TSPAN12: variants seen among roughly 807,000 people sequenced by gnomAD.
TSPAN12 encodes tetraspanin-12.
TSPAN12 carries 19 observed loss-of-function variants against 39.2 expected under a neutral mutation model. That is an observed-to-expected ratio of 0.49 (90% CI 0.34 to 0.71). The LOEUF is 0.71. TSPAN12 is among the 30% of genes least tolerant of loss of function. The pLI, the probability that TSPAN12 is intolerant of heterozygous loss-of-function variation, is 0.01. For missense variants in TSPAN12, 314 were observed against 359.9 expected (o/e 0.87, Z 1.03); for synonymous variants, 119 against 124.8 (o/e 0.95, Z 0.31).
chr7:120,796,219 C>T (rs1779410907), intron 7 of TSPAN12, among the ~76,000 whole-genome samples: 1 of 152,074 alleles, frequency 6.6e-6, no homozygotes, highest in Admixed American at 6.5e-5. Context: ...CATTTGGGCA[C>T]CTTAAATTTG....
intron 5 of TSPAN12, chr7:120,814,203 A>G (rs1407072448): frequency 4.4e-6 from 2 of 456,580 alleles, no homozygotes; most frequent in Non-Finnish European, 8.8e-6. Context: ...AGCACCAGAA[A>G]TGACTTCTAT....
At chr7:120,811,009 G>T (rs1043901424) in intron 5 of TSPAN12, among the ~76,000 whole-genome samples, 1 of 152,166 alleles carries the variant, frequency 6.6e-6, no homozygotes, top group African/African-American at 2.4e-5. Context: ...AAAGAGGAAA[G>T]AATTAAGAAG....
intron 7 of TSPAN12, among the ~76,000 whole-genome samples, chr7:120,803,138 G>A (rs144452001): frequency 2.9e-4 from 44 of 152,242 alleles, no homozygotes; most frequent in African/African-American, 1.1e-3. Context: ...TTAGTGATGA[G>A]ACACTCATTA....
At chr7:120,842,454 A>C (rs1794596452) in intron 2 of TSPAN12, among the ~76,000 whole-genome samples, 1 of 151,850 alleles carries the variant, frequency 6.6e-6, no homozygotes, top group Admixed American at 6.6e-5. Context: ...CTGTTAAAAA[A>C]AAAAAAAAAA....
At chr7:120,856,302 A>G (rs1420507996) in intron 2 of TSPAN12, among the ~76,000 whole-genome samples, 2 of 152,156 alleles carry the variant, frequency 1.3e-5, no homozygotes, top group East Asian at 1.9e-4. Flanking sequence ...ACTTGGCCCA[A>G]CTAGATTTTA....
intron 3 of TSPAN12, 64 bp from the exon 4 acceptor site, chr7:120,838,976 G>A: frequency 5.2e-6 from 8 of 1,523,810 alleles, no homozygotes; most frequent in South Asian, 2.3e-5. Context: ...AGACATAGCA[G>A]AAGACACAAC....
intron 4 of TSPAN12, among the ~76,000 whole-genome samples, chr7:120,826,342 T>C (rs1162233627): frequency 6.6e-6 from 1 of 152,120 alleles, no homozygotes; most frequent in Non-Finnish European, 1.5e-5. Context: ...GCATTAAGGG[T>C]CAGTCAATAA....
intron 7 of TSPAN12, among the ~76,000 whole-genome samples, chr7:120,804,704 C>T (rs1322123179): frequency 6.6e-6 from 1 of 152,062 alleles, no homozygotes; most frequent in Admixed American, 6.6e-5. Flanking sequence ...GAGCTTAGTA[C>T]CTCAGAATGT....
chr7:120,836,349 C>A (rs1440510973), intron 4 of TSPAN12, among the ~76,000 whole-genome samples: 1 of 152,014 alleles, frequency 6.6e-6, no homozygotes, highest in Non-Finnish European at 1.5e-5. Flanking sequence ...AGAGGCACCC[C>A]AAAGGGAATG....
At chr7:120,796,179 C>G (rs1015441234) in intron 7 of TSPAN12, among the ~76,000 whole-genome samples, 1 of 152,168 alleles carries the variant, frequency 6.6e-6, no homozygotes, top group Non-Finnish European at 1.5e-5. Context: ...TCACAAACCC[C>G]TCCTGCAAAT....
At chr7:120,844,865 G>A (rs1006643786) in intron 2 of TSPAN12, among the ~76,000 whole-genome samples, 1 of 152,184 alleles carries the variant, frequency 6.6e-6, no homozygotes, top group Non-Finnish European at 1.5e-5. Flanking sequence ...TGCCTTAGTG[G>A]GGACTCTTTG....
At chr7:120,854,983 C>A (rs553728689) in intron 2 of TSPAN12, among the ~76,000 whole-genome samples, 1 of 152,190 alleles carries the variant, frequency 6.6e-6, no homozygotes, top group East Asian at 1.9e-4. Flanking sequence ...AAAGAAATAA[C>A]GTTTACATTC....
At chr7:120,849,605 A>G (rs1424220028) in intron 2 of TSPAN12, among the ~76,000 whole-genome samples, 1 of 152,240 alleles carries the variant, frequency 6.6e-6, no homozygotes, top group Non-Finnish European at 1.5e-5. Context: ...AAAGAGAGGA[A>G]CATAAAAGAC....
chr7:120,808,589 A>G (rs192290971), intron 6 of TSPAN12, among the ~76,000 whole-genome samples: 1 of 152,326 alleles, frequency 6.6e-6, no homozygotes, highest in East Asian at 1.9e-4. Context: ...AGTGTGGCAC[A>G]GTCTATTCCA....
chr7:120,843,048 G>A (rs1213037896), intron 2 of TSPAN12, among the ~76,000 whole-genome samples: 1 of 151,874 alleles, frequency 6.6e-6, no homozygotes, highest in South Asian at 2.1e-4. Flanking sequence ...CCACAAATTA[G>A]AATACAGTTT....
intron 7 of TSPAN12, among the ~76,000 whole-genome samples, chr7:120,799,623 T>C (rs1424257112): frequency 8.4e-6 from 1 of 119,310 alleles, no homozygotes; most frequent in Non-Finnish European, 1.6e-5. Context: ...TATAATTAAA[T>C]ATAATTATTA....
chr7:120,799,511 T>C (rs1793702372), intron 7 of TSPAN12, among the ~76,000 whole-genome samples: 1 of 105,576 alleles, frequency 9.5e-6, no homozygotes, highest in South Asian at 2.6e-4. Context: ...ATTAATTAAT[T>C]ATATATAATT....
chr7:120,841,792 T>G (rs1794584051), intron 2 of TSPAN12, among the ~76,000 whole-genome samples: 1 of 152,172 alleles, frequency 6.6e-6, no homozygotes. Context: ...AGGTGGGAAG[T>G]AGAGAAGGGC....
intron 5 of TSPAN12, among the ~76,000 whole-genome samples, chr7:120,812,031 T>A (rs918129707): frequency 6.6e-6 from 1 of 152,134 alleles, no homozygotes; most frequent in Non-Finnish European, 1.5e-5. Flanking sequence ...CTACCACCTG[T>A]TCCCCAAAAA....
Sources: gnomAD v4.1 joint callset for allele counts (sites outside exome capture counted in the v4.1 genomes callset) on GRCh38, gnomAD v4.1.1 for gene constraint, MANE v1.5 for transcripts, NCBI Gene and HGNC (gene_info 2026-07-23, HGNC 2026-07-21) for gene names.